PLSCR2: variants seen among roughly 807,000 people sequenced by gnomAD.
PLSCR2 encodes PL scramblase 2.
PLSCR2 carries 18 observed loss-of-function variants against 25.3 expected under a neutral mutation model. That is an observed-to-expected ratio of 0.71 (90% CI 0.49 to 1.06). The LOEUF (loss-of-function observed/expected upper bound fraction) is 1.06, where lower values mean the gene tolerates loss of function less well. Among genes scored for constraint, PLSCR2 ranks in the 50% least tolerant of loss-of-function variants. The pLI, the probability that PLSCR2 is intolerant of heterozygous loss-of-function variation, is 0.00. For missense variants in PLSCR2, 243 were observed against 269.5 expected, an observed-to-expected ratio of 0.90 and a Z score of 0.69; for synonymous variants, 88 against 87.3, an observed-to-expected ratio of 1.01 and a Z score of -0.04.
At chr3:146,426,037 ATTG>A (rs1227277775) in intron 2 of PLSCR2, among the ~76,000 whole-genome samples, 9 of 152,190 alleles carry the variant, frequency 5.9e-5, no homozygotes, top group Admixed American at 3.3e-4. Flanking sequence ...CTAGAATGAA[ATTG>A]TTGTCATAAT....
At chr3:146,422,421 C>T (rs2039184287) in intron 2 of PLSCR2, among the ~76,000 whole-genome samples, 1 of 152,062 alleles carries the variant, frequency 6.6e-6, no homozygotes, top group Non-Finnish European at 1.5e-5. Flanking sequence ...TCTCCACCCA[C>T]CCAGCCTGCA....
intron 2 of PLSCR2, among the ~76,000 whole-genome samples, chr3:146,410,852 CCT>C (rs761618189): frequency 1.2e-4 from 18 of 152,198 alleles, no homozygotes; most frequent in Non-Finnish European, 2.5e-4. Context: ...GGCCGCTCCC[CCT>C]GAGGGGACTT....
At chr3:146,427,955 C>T (rs2039413745) in intron 2 of PLSCR2, among the ~76,000 whole-genome samples, 1 of 151,776 alleles carries the variant, frequency 6.6e-6, no homozygotes, top group Non-Finnish European at 1.5e-5. Context: ...TATTGGTTTC[C>T]CCCTCAGTTC....
At chr3:146,454,203 T>C (rs1005592681) in intron 4 of PLSCR2, 40 bp from the exon 5 acceptor site, 4 of 1,358,758 alleles carry the variant, frequency 2.9e-6, no homozygotes, top group Non-Finnish European at 4.0e-6. Context: ...TAAATCATCA[T>C]AATAAAAATA....
intron 3 of PLSCR2, among the ~76,000 whole-genome samples, chr3:146,393,174 G>T (rs570387944): frequency 1.6e-4 from 23 of 144,266 alleles, no homozygotes; most frequent in Non-Finnish European, 3.0e-4. Context: ...GACTACAGGC[G>T]CCCACCACCA....
intron 6 of PLSCR2, among the ~76,000 whole-genome samples, chr3:146,446,319 G>A (rs566334596): frequency 6.6e-6 from 1 of 152,150 alleles, no homozygotes; most frequent in South Asian, 2.1e-4. Context: ...GTATTCAAAA[G>A]AACTTGGGTG....
At chr3:146,448,421 T>C (rs1417993326) in intron 6 of PLSCR2, among the ~76,000 whole-genome samples, 1 of 152,228 alleles carries the variant, frequency 6.6e-6, no homozygotes, top group African/African-American at 2.4e-5. Context: ...CAAACCTTGA[T>C]TGCATATTGG....
Position 146,460,094 on chromosome 3 carries a change from A to G in PLSCR2, c.-179-11T>C. 1.3e-6 allele frequency: 2 copies of G among 1,491,294 alleles called. No individual in the cohort carries two copies. The highest frequency in any genetic ancestry group is 1.8e-6 in the Non-Finnish European group (2 of 1,113,134). The allele number at this position is 1,491,294 out of a possible 1,614,324, so 92.4% of individuals were successfully genotyped here. A position where few individuals can be genotyped will look rare whatever the true frequency, so the allele number is the denominator to read the frequency against. On this transcript the variant is annotated splice_polypyrimidine_tract_variant and intron_variant, in intron 1 of 6. Coordinates refer to ENST00000610787, the Ensembl canonical transcript of PLSCR2. ...TATGTCCGGGAGGTCCTGAAATAGG[A>G]GCAAGTAAAATAATTTGTAGCTGCC...
intron 6 of PLSCR2, among the ~76,000 whole-genome samples, chr3:146,442,312 A>G (rs1404416904): frequency 6.6e-6 from 1 of 152,106 alleles, no homozygotes; most frequent in Non-Finnish European, 1.5e-5. Flanking sequence ...AAACTGAAAA[A>G]GGCACAAATA....
intron 3 of PLSCR2, among the ~76,000 whole-genome samples, chr3:146,392,717 G>A (rs975053909): frequency 3.4e-4 from 52 of 151,342 alleles, no homozygotes; most frequent in Non-Finnish European, 1.5e-4. Context: ...TTTAAATTTA[G>A]TAGTCTGTTA....
At position 146,450,427 on chromosome 3, in the gene PLSCR2, G is replaced by A. The variant is rs951001; in HGVS notation, c.484-1060C>T. Among the ~76,000 whole-genome samples the A allele has an allele frequency of 5.7e-3, 872 of 152,304 alleles. 8 individuals are homozygous for A. Among genetic ancestry groups the A allele is most frequent in the African/African-American group, 0.02 (831 of 41,560 alleles). ...CTAATATAAAACTGTGATTGCTATGGATTATTCTTCATCAAATATTCATTT... is the reference window on the plus strand; with the variant it reads ...CTAATATAAAACTGTGATTGCTATGAATTATTCTTCATCAAATATTCATTT... On this transcript the variant is annotated intron_variant, in intron 5 of 6. Coordinates refer to ENST00000610787, the Ensembl canonical transcript of PLSCR2.
intron 1 of PLSCR2, among the ~76,000 whole-genome samples, chr3:146,473,623 A>C (rs2042192729): frequency 6.6e-6 from 1 of 152,154 alleles, no homozygotes; most frequent in Non-Finnish European, 1.5e-5. Flanking sequence ...ACTATCTTAA[A>C]TTAGAAAACA....
chr3:146,440,169 GT>G (rs2040145808), downstream of PLSCR2, among the ~76,000 whole-genome samples: 1 of 152,158 alleles, frequency 6.6e-6, no homozygotes, highest in Admixed American at 6.5e-5. Context: ...GCTATATGAG[GT>G]GTCAATTGGC....
intron 1 of PLSCR2, among the ~76,000 whole-genome samples, chr3:146,493,734 C>CCAA (rs764233118): frequency 8.1e-5 from 12 of 147,906 alleles, no homozygotes; most frequent in Non-Finnish European, 1.5e-4. Flanking sequence ...TTTCGGGAGT[C>CCAA]CAACAAATTT....
intron 2 of PLSCR2, among the ~76,000 whole-genome samples, chr3:146,398,496 G>C (rs1316931139): frequency 6.7e-6 from 1 of 149,432 alleles, no homozygotes; most frequent in African/African-American, 2.4e-5. Flanking sequence ...AAATAAGGAC[G>C]CTGTGAATTA....
chr3:146,401,415 T>C (rs2038471413), intron 2 of PLSCR2: 1 of 152,646 alleles, frequency 6.6e-6, no homozygotes, highest in Admixed American at 6.5e-5. Context: ...TCTACCTACA[T>C]TATCATAAAT....
At position 146,411,038 on chromosome 3, in the gene PLSCR2, TC is replaced by T. The variant is rs1478516679; in HGVS notation, c.101-15118del. On this transcript the variant is annotated intron_variant and NMD_transcript_variant, in intron 2 of 3. Coordinates refer to the PLSCR2 transcript ENST00000463633. ...GGAGGATAAGTGCAAGCCCTTGTCC[TC>T]CCCCATCCACACACCATTCACACAG... Among the ~76,000 whole-genome samples, 7 of 151,698 alleles carry T rather than the reference TC, an allele frequency of 4.6e-5. No individual in the cohort carries two copies. The East Asian group carries it at 1.4e-3, about 29-fold the overall frequency.
intron 2 of PLSCR2, among the ~76,000 whole-genome samples, chr3:146,421,678 T>C (rs895739261): frequency 6.6e-5 from 10 of 152,034 alleles, no homozygotes; most frequent in African/African-American, 2.4e-4. Context: ...AAACATTCCA[T>C]TCAGAATTTT....
At chr3:146,452,609 A>G (rs1411789219) in intron 5 of PLSCR2, among the ~76,000 whole-genome samples, 1 of 152,182 alleles carries the variant, frequency 6.6e-6, no homozygotes, top group East Asian at 1.9e-4. Flanking sequence ...TCGTATGACT[A>G]TTAGTTACTC....
Sources: allele counts gnomAD v4.1 joint callset (sites outside exome capture counted in the v4.1 genomes callset), GRCh38; gene constraint gnomAD v4.1.1; transcripts MANE v1.5; gene names NCBI Gene and HGNC (gene_info 2026-07-23, HGNC 2026-07-21).